Variants in QPCT observed in about 807,000 individuals in gnomAD.
The protein encoded by QPCT is EC.
A neutral mutation model predicts 43.4 loss-of-function variants in QPCT; 44 were observed. That is an observed-to-expected ratio of 1.01 (90% CI 0.80 to 1.30). The LOEUF (loss-of-function observed/expected upper bound fraction) is 1.30. QPCT is among the 50% of genes most tolerant of loss of function. The pLI, the probability that QPCT is intolerant of heterozygous loss-of-function variation, is 0.00. For missense variants in QPCT, 526 were observed against 436.5 expected (o/e 1.21, Z -1.83); for synonymous variants, 168 against 168.4 (o/e 1.00, Z 0.02).
chr2:37,370,984 A>T (rs915355877), intron 5 of QPCT, among the ~76,000 whole-genome samples: 3 of 152,174 alleles, frequency 2.0e-5, no homozygotes, highest in African/African-American at 7.2e-5. Flanking sequence ...ATAGACTTGT[A>T]TTACTTCTAA....
In QPCT at chr2:37,369,756, C is replaced by A; in HGVS notation, c.795C>A (p.Ala265=). 2 of 1,602,862 alleles carry A rather than the reference C, an allele frequency of 1.2e-6. No individual in the cohort carries two copies. The highest frequency in any genetic ancestry group is 1.7e-4 in the Middle Eastern group (1 of 6,044). ...TTCCCAATTTTTTTCCAAACTCAGC[C>A]AGGTGGTTCGAAAGACTTCAAGCAA... ...PTFPNFFPNS[A]RWFERLQAIE... The change falls in exon 5 of 7, where the codon GCC becomes GCA. Residue 265 remains alanine (A), a synonymous_variant. Coordinates refer to ENST00000338415, the MANE Select transcript of QPCT (RefSeq NM_012413.4).
At chr2:37,352,671 T>A (rs1672645203) in intron 1 of QPCT, 118 bp from the exon 2 acceptor site, 2 of 1,279,616 alleles carry the variant, frequency 1.6e-6, no homozygotes, top group African/African-American at 1.5e-5. Context: ...TTAATTTACC[T>A]CATTTGACAT....
rs773294067 is a variant in QPCT, at chr2:37,372,414, C to T, written c.882C>T (p.Phe294=). The part of the protein sequence containing the change: ...LKDHSLEGRY[F]QNYSYGGVIQ... Reference sequence around the variant, plus strand: ...ATCACTCTTTGGAGGGGCGGTATTTCCAGAATTACAGTTATGGAGGTGTGA... The same window carrying T: ...ATCACTCTTTGGAGGGGCGGTATTTTCAGAATTACAGTTATGGAGGTGTGA... Residue 294 remains phenylalanine, a synonymous_variant, in exon 6 of 7, where the codon TTC becomes TTT. Coordinates refer to ENST00000338415, the MANE Select transcript of QPCT (RefSeq NM_012413.4). 2 of 1,614,044 alleles carry T rather than the reference C, an allele frequency of 1.2e-6. No individual in the cohort carries two copies. Among genetic ancestry groups the T allele is most frequent in the Non-Finnish European group, 1.7e-6 (2 of 1,179,986 alleles).
At chr2:37,361,318 G>T (rs1297143142) in intron 3 of QPCT, among the ~76,000 whole-genome samples, 1 of 152,150 alleles carries the variant, frequency 6.6e-6, no homozygotes, top group Non-Finnish European at 1.5e-5. Context: ...TAAGTAGACT[G>T]GATTATTCGC....
chr2:37,351,648 G>A (rs1478160764), intron 1 of QPCT, among the ~76,000 whole-genome samples: 1 of 152,082 alleles, frequency 6.6e-6, no homozygotes, highest in African/African-American at 2.4e-5. Flanking sequence ...TTGGGAGGCC[G>A]AGGTGGGTGG....
intron 3 of QPCT, among the ~76,000 whole-genome samples, chr2:37,364,498 C>T (rs1321707614): frequency 6.6e-6 from 1 of 152,176 alleles, no homozygotes; most frequent in Non-Finnish European, 1.5e-5. Flanking sequence ...CGCTTGACCA[C>T]ATAATGGTGA....
rs115308004 is a variant in QPCT at position 37,372,707 on chromosome 2, G to A, written c.966G>A (p.Pro322=). Residue 322 remains proline, a synonymous_variant, in exon 7 of 7, where the codon CCG becomes CCA. Transcript: ENST00000338415. ...GTGTTCCAGTTCTGCATCTGATACC[G>A]TCTCCTTTCCCTGAAGTCTGGCACA... The part of the protein sequence containing the change: ...RRGVPVLHLI[P]SPFPEVWHTM... The A allele has an allele frequency of 1.5e-4, 234 of 1,613,418 alleles. No homozygotes were observed. Among genetic ancestry groups the A allele is most frequent in the South Asian group, 3.0e-4 (27 of 90,956 alleles).
rs755303563 is a variant in QPCT at position 37,352,781 on chromosome 2, A to T, written c.121-8A>T. On this transcript the variant is annotated splice_region_variant and splice_polypyrimidine_tract_variant and intron_variant, in intron 1 of 6. Transcript: ENST00000338415. ...ATAGCTAGTTAAATGATTTCATTCA[A>T]TCCTCAGAATTACCACCAGCCAGCC... The T allele has an allele frequency of 6.2e-7, 1 of 1,612,862 alleles. No individual in the cohort carries two copies. The highest frequency in any genetic ancestry group is 1.1e-5 in the South Asian group (1 of 91,024).
chr2:37,362,789 T>C (rs1317760174), intron 3 of QPCT, among the ~76,000 whole-genome samples: 2 of 152,084 alleles, frequency 1.3e-5, no homozygotes. Context: ...GAATTAGAGA[T>C]GTGATAAGCT....
chr2:37,371,494 T>A (rs1471268497), intron 5 of QPCT, among the ~76,000 whole-genome samples: 1 of 146,880 alleles, frequency 6.8e-6, no homozygotes, highest in African/African-American at 2.5e-5. Context: ...TAAGTATCAA[T>A]AAACAGACAA....
intron 4 of QPCT, among the ~76,000 whole-genome samples, chr2:37,369,340 C>G (rs1054160756): frequency 6.6e-6 from 1 of 152,230 alleles, no homozygotes; most frequent in African/African-American, 2.4e-5. Context: ...ATTAGAAGAT[C>G]AGATAGGCTT....
At chr2:37,369,231 TC>T (rs1407547484) in intron 4 of QPCT, among the ~76,000 whole-genome samples, 2 of 152,216 alleles carry the variant, frequency 1.3e-5, no homozygotes, top group Non-Finnish European at 2.9e-5. Flanking sequence ...AAGGAATTTT[TC>T]TTAGATACTA....
chr2:37,360,116 T>C (rs1672832301), intron 3 of QPCT: 1 of 450,134 alleles, frequency 2.2e-6, no homozygotes, highest in Non-Finnish European at 4.0e-6. Context: ...AAATGCAACA[T>C]TTCTTTGTGA....
At chr2:37,348,311 T>C (rs1672549068) in intron 1 of QPCT, among the ~76,000 whole-genome samples, 1 of 152,166 alleles carries the variant, frequency 6.6e-6, no homozygotes, top group Non-Finnish European at 1.5e-5. Context: ...CCTAAGCTGT[T>C]GTGGTTAAAG....
At chr2:37,347,604 A>G (rs1286110305) in intron 1 of QPCT, among the ~76,000 whole-genome samples, 1 of 151,670 alleles carries the variant, frequency 6.6e-6, no homozygotes, top group Admixed American at 6.6e-5. Flanking sequence ...GACACCCCCT[A>G]TTTTCTCCTT....
intron 3 of QPCT, chr2:37,360,186 A>G (rs530340014): frequency 1.4e-5 from 4 of 285,198 alleles, no homozygotes; most frequent in Non-Finnish European, 1.3e-5. Context: ...ATAATGAACT[A>G]TGTTTATTTC....
chr2:37,349,910 T>A (rs923012736), intron 1 of QPCT, among the ~76,000 whole-genome samples: 1 of 152,200 alleles, frequency 6.6e-6, no homozygotes, highest in African/African-American at 2.4e-5. Flanking sequence ...CATCTGTTGA[T>A]TGCTTTTTTG....
At chr2:37,371,771 C>A (rs11897397) in intron 5 of QPCT, among the ~76,000 whole-genome samples, 1 of 152,036 alleles carries the variant, frequency 6.6e-6, no homozygotes, top group East Asian at 1.9e-4. Flanking sequence ...GGACTCCAGC[C>A]CCAGAATTTC....
At chr2:37,365,970 C>T (rs528609694) in intron 3 of QPCT, among the ~76,000 whole-genome samples, 1 of 152,130 alleles carries the variant, frequency 6.6e-6, no homozygotes, top group Non-Finnish European at 1.5e-5. Context: ...TTTAGCTGCA[C>T]GAGTGCTGGC....
Sources: allele counts gnomAD v4.1 joint callset (sites outside exome capture counted in the v4.1 genomes callset), GRCh38; gene constraint gnomAD v4.1.1; transcripts MANE v1.5; gene names NCBI Gene and HGNC (gene_info 2026-07-23, HGNC 2026-07-21).